The following COLEC11 variants were observed in gnomAD, a reference collection of about 807,000 sequenced individuals.
COLEC11 encodes collectin-11.
Under a neutral mutation model 27.3 loss-of-function variants are expected in COLEC11, and 20 were observed. That is an observed-to-expected ratio of 0.73 (90% CI 0.51 to 1.06). The LOEUF is 1.06. COLEC11 is among the 50% of genes least tolerant of loss of function. The pLI, the probability that COLEC11 is intolerant of heterozygous loss-of-function variation, is 0.00. For synonymous variants in COLEC11, 163 were observed against 154.7 expected, an observed-to-expected ratio of 1.05 and a Z score of -0.40; for missense variants, 310 against 383.0, an observed-to-expected ratio of 0.81 and a Z score of 1.59.
intron 3 of COLEC11, among the ~76,000 whole-genome samples, chr2:3,613,816 G>A (rs1157964466): frequency 2.6e-5 from 4 of 152,146 alleles, no homozygotes; most frequent in Non-Finnish European, 4.4e-5. Context: ...GGACTGTGCC[G>A]AGGCTCATGG....
chr2:3,636,552 A>G (rs1251630008), intron 3 of COLEC11, among the ~76,000 whole-genome samples: 1 of 152,260 alleles, frequency 6.6e-6, no homozygotes, highest in Non-Finnish European at 1.5e-5. Context: ...ATGGTGGGTT[A>G]TAACTGATCA....
chr2:3,603,605 C>A, intron 1 of COLEC11: 1 of 1,550,472 alleles, frequency 6.4e-7, no homozygotes, highest in Non-Finnish European at 8.7e-7. Context: ...GTGTGAGCCA[C>A]TGCGCCTGGT....
chr2:3,614,064 C>T (rs931203032), intron 3 of COLEC11, among the ~76,000 whole-genome samples: 1 of 148,614 alleles, frequency 6.7e-6, no homozygotes, highest in African/African-American at 2.5e-5. Context: ...GTAACCTTCT[C>T]CTCCCAGGTT....
At chr2:3,627,922 C>T (rs1055414507) in intron 3 of COLEC11, among the ~76,000 whole-genome samples, 9 of 152,186 alleles carry the variant, frequency 5.9e-5, no homozygotes, top group African/African-American at 1.9e-4. Flanking sequence ...CTGGGAAGAG[C>T]GGGACCTGGG....
rs1558486809 is a variant in COLEC11 at position 3,604,376 on chromosome 2, CA to C, written c.37del (p.Ser13AlafsTer88). The C allele has an allele frequency of 1.2e-6, 2 of 1,614,130 alleles. No homozygotes were observed. Among genetic ancestry groups the C allele is most frequent in the African/African-American group, 2.7e-5 (2 of 74,944 alleles). Reference protein sequence around the residue: ...GNLALVGVLISLAFLSLLPSG... With the variant: ...GNLALVGVLIXLAFLSLLPSG... ...ATCTGGCCCTGGTGGGCGTTCTAATCAGCCTGGCCTTCCTGTCACTGCTGCC... is the reference window on the plus strand; with the variant it reads ...ATCTGGCCCTGGTGGGCGTTCTAATCGCCTGGCCTTCCTGTCACTGCTGCC... On this transcript the variant is annotated frameshift_variant, in exon 2 of 7. Transcript: ENST00000349077. LOFTEE classifies it high-confidence loss of function.
In COLEC11 at chr2:3,643,830, G is replaced by T; in HGVS notation, c.528G>T (p.Thr176=). ...AQLSCQGRGG[T]LSMPKDEAAN... ...TGTCCTGCCAGGGCCGCGGGGGCAC[G>T]CTGAGCATGCCCAAGGACGAGGCTG... Residue 176 remains threonine, a synonymous_variant, in exon 7 of 7, where the codon ACG becomes ACT. Transcript: ENST00000349077. The T allele has an allele frequency of 6.2e-7, 1 of 1,613,494 alleles. No individual in the cohort carries two copies.
intron 1 of COLEC11, among the ~76,000 whole-genome samples, chr2:3,600,659 G>A (rs758000782): frequency 3.9e-5 from 6 of 152,374 alleles, no homozygotes; most frequent in Middle Eastern, 3.4e-3. Context: ...GGGAGGGCGC[G>A]TGGATGGGAG....
At chr2:3,607,449 C>CTTTTTTT (rs377560723) in intron 2 of COLEC11, among the ~76,000 whole-genome samples, 50,023 of 106,686 alleles carry the variant, frequency 0.47, 13,980 homozygotes, top group South Asian at 0.64. Context: ...TTTTTTTTTG[C>CTTTTTTT]TTTTTTTTTT....
intron 4 of COLEC11, 149 bp from the exon 5 acceptor site, chr2:3,640,129 A>C (rs1572476225): frequency 1.4e-6 from 1 of 693,948 alleles, no homozygotes; most frequent in Non-Finnish European, 2.6e-6. Context: ...AGCAGGAATT[A>C]CCTGCAGAAT....
intron 1 of COLEC11, among the ~76,000 whole-genome samples, chr2:3,599,739 G>A (rs1572378819): frequency 6.6e-6 from 1 of 152,322 alleles, no homozygotes; most frequent in Middle Eastern, 3.4e-3. Context: ...GCCCCTCCAT[G>A]GCCCAGGGAG....
intron 5 of COLEC11, 24 bp downstream of exon 5, chr2:3,640,355 T>G (rs1392974929): frequency 7.0e-7 from 1 of 1,418,690 alleles, no homozygotes; most frequent in Non-Finnish European, 1.0e-6. Flanking sequence ...GGTCCAAGGA[T>G]TTTTAATAAA....
intron 3 of COLEC11, 151 bp from the exon 4 acceptor site, chr2:3,637,382 T>G: frequency 1.4e-6 from 1 of 713,636 alleles, no homozygotes; most frequent in Non-Finnish European, 2.6e-6. Context: ...ATACGTGACC[T>G]TGAAGAGATG....
intron 1 of COLEC11, chr2:3,603,924 T>A (rs1470277135): frequency 3.5e-6 from 2 of 578,460 alleles, no homozygotes; most frequent in East Asian, 5.7e-5. Context: ...TATCTCAGCC[T>A]CCCTCCGCTG....
intron 1 of COLEC11, chr2:3,603,786 T>A (rs1170868589): frequency 1.1e-6 from 1 of 946,728 alleles, no homozygotes; most frequent in Non-Finnish European, 1.6e-6. Flanking sequence ...TCCTTACTGA[T>A]CTCACCGAGG....
chr2:3,597,158 T>C (rs959958937), intron 1 of COLEC11, among the ~76,000 whole-genome samples: 1 of 150,828 alleles, frequency 6.6e-6, no homozygotes, highest in African/African-American at 2.5e-5. Flanking sequence ...CCTGTGCTGC[T>C]CCGGGGTCAG....
rs112639715 is a variant in COLEC11 at position 3,606,223 on chromosome 2, G to C, written c.130+1753G>C. On this transcript the variant is annotated intron_variant, in intron 2 of 6. Coordinates refer to ENST00000349077, the MANE Select transcript of COLEC11 (RefSeq NM_024027.5). Reference sequence around the variant, plus strand: ...TGGGTGCCTCCGAGTCCCTACGGTTGTCTTCCCTGCGCCCTGCCAGGTCAG... The same window carrying C: ...TGGGTGCCTCCGAGTCCCTACGGTTCTCTTCCCTGCGCCCTGCCAGGTCAG... 3.6e-4 allele frequency: 552 copies of C among 1,550,508 alleles called. 1 individual carries two copies. In the African/African-American group the frequency reaches 6.2e-3, roughly 18 times the overall value.
At position 3,611,338 on chromosome 2, in the gene COLEC11, C is replaced by T. The variant is rs555719096; in HGVS notation, c.131-1973C>T. 2.6e-5 allele frequency among the ~76,000 whole-genome samples: 4 copies of T among 152,366 alleles called. No individual in the cohort carries two copies. The East Asian group carries it at 7.7e-4, about 29-fold the overall frequency. ...GCGGAGTGGCTCCCGCACAGCGTCT[C>T]TGCTCGGCTCTTTCCGCTGCAGTGT... On this transcript the variant is annotated intron_variant, in intron 2 of 6. Coordinates refer to ENST00000349077, the MANE Select transcript of COLEC11 (RefSeq NM_024027.5).
At chr2:3,601,449 G>GT (rs1316059764) in intron 1 of COLEC11, among the ~76,000 whole-genome samples, 1 of 152,102 alleles carries the variant, frequency 6.6e-6, no homozygotes, top group Non-Finnish European at 1.5e-5. Flanking sequence ...CTACAGGTGC[G>GT]TGACACTACA....
chr2:3,595,505 C>A (rs1473804520), intron 1 of COLEC11, among the ~76,000 whole-genome samples: 1 of 152,218 alleles, frequency 6.6e-6, no homozygotes, highest in East Asian at 1.9e-4. Flanking sequence ...AATTCCAAAC[C>A]GCAGTGCAGT....
Sources: allele counts gnomAD v4.1 joint callset (sites outside exome capture counted in the v4.1 genomes callset), GRCh38; gene constraint gnomAD v4.1.1; transcripts MANE v1.5; gene names NCBI Gene and HGNC (gene_info 2026-07-23, HGNC 2026-07-21).